The following SIL1 variants were observed in gnomAD, a reference collection of about 807,000 sequenced individuals.
SIL1 encodes the protein nucleotide exchange factor SIL1.
A neutral mutation model predicts 49.1 loss-of-function variants in SIL1; 40 were observed. The observed-to-expected ratio is 0.81, with a 90% CI of 0.63 to 1.06. The LOEUF is 1.06. Ranked by LOEUF, SIL1 falls within the 50% of genes least tolerant of loss-of-function variation. The pLI is 0.00. For missense variants in SIL1, 500 were observed against 572.6 expected (o/e 0.87, Z 1.29); for synonymous variants, 253 against 250.8 (o/e 1.01, Z -0.08).
At chr5:139,137,196 C>T in intron 1 of SIL1, 1 of 602,796 alleles carries the variant, frequency 1.7e-6, no homozygotes, top group South Asian at 2.0e-5. Flanking sequence ...TTATAGTCAA[C>T]ATTTATAGAG....
intron 3 of SIL1, among the ~76,000 whole-genome samples, chr5:139,110,429 C>T (rs1464503129): frequency 6.6e-6 from 1 of 152,154 alleles, no homozygotes; most frequent in East Asian, 1.9e-4. Flanking sequence ...AAATGGTTCT[C>T]TTCTTCCAAA....
At chr5:138,950,859 T>C (rs954389061) in intron 9 of SIL1, among the ~76,000 whole-genome samples, 40 of 152,162 alleles carry the variant, frequency 2.6e-4, no homozygotes, top group South Asian at 1.9e-3. Flanking sequence ...TTTTGTCCCC[T>C]CGGGGCCTGG....
At chr5:138,998,708 AG>A (rs1419235227) in intron 7 of SIL1, among the ~76,000 whole-genome samples, 2 of 152,190 alleles carry the variant, frequency 1.3e-5, no homozygotes, top group African/African-American at 2.4e-5. Flanking sequence ...CTTATCACCA[AG>A]GAAGTGGTGC....
At chr5:139,185,163 C>A (rs1200522620) in intron 1 of SIL1, among the ~76,000 whole-genome samples, 4 of 152,106 alleles carry the variant, frequency 2.6e-5, no homozygotes, top group Admixed American at 6.6e-5. Flanking sequence ...CGAAGACGTG[C>A]CTGTTAGGTT....
intron 3 of SIL1, among the ~76,000 whole-genome samples, chr5:139,105,663 C>T (rs1003146633): frequency 3.3e-5 from 5 of 152,222 alleles, no homozygotes; most frequent in Non-Finnish European, 5.9e-5. Flanking sequence ...TCCCTCCCGG[C>T]GGCCTGCTCA....
chr5:139,149,322 G>A (rs935607667), intron 1 of SIL1, among the ~76,000 whole-genome samples: 2 of 152,158 alleles, frequency 1.3e-5, no homozygotes, highest in African/African-American at 4.8e-5. Flanking sequence ...TGTGCTCTAC[G>A]AAAAGATGAA....
intron 1 of SIL1, among the ~76,000 whole-genome samples, chr5:139,174,438 G>A (rs898697486): frequency 4.6e-5 from 7 of 151,840 alleles, no homozygotes; most frequent in East Asian, 3.9e-4. Flanking sequence ...TCATGACTAC[G>A]CCACCAAACT....
chr5:139,076,974 A>C (rs1260376885), intron 3 of SIL1, among the ~76,000 whole-genome samples: 1 of 152,188 alleles, frequency 6.6e-6, no homozygotes, highest in Non-Finnish European at 1.5e-5. Context: ...CTCTACTAAA[A>C]ATACAAAAAA....
chr5:138,998,488 GA>G, intron 7 of SIL1, among the ~76,000 whole-genome samples: 1 of 152,230 alleles, frequency 6.6e-6, no homozygotes, highest in South Asian at 2.1e-4. Flanking sequence ...AATTCATAAA[GA>G]AAAGAGGTTT....
intron 1 of SIL1, among the ~76,000 whole-genome samples, chr5:139,150,244 T>C (rs902440992): frequency 6.6e-6 from 1 of 152,178 alleles, no homozygotes; most frequent in Non-Finnish European, 1.5e-5. Context: ...CTGGGTGATA[T>C]GCCTGCTGTA....
At chr5:139,093,434 GT>G (rs1378166841) in intron 3 of SIL1, among the ~76,000 whole-genome samples, 2 of 152,186 alleles carry the variant, frequency 1.3e-5, no homozygotes, top group African/African-American at 4.8e-5. Context: ...TCAGAGCGCA[GT>G]TAGCTCCATC....
intron 7 of SIL1, among the ~76,000 whole-genome samples, chr5:138,973,201 TAAA>T (rs5871690): frequency 2.8e-5 from 3 of 105,368 alleles, no homozygotes; most frequent in Non-Finnish European, 3.7e-5. Context: ...TTGAAGTATT[TAAA>T]AAAAAAAAAA....
intron 1 of SIL1, among the ~76,000 whole-genome samples, chr5:139,142,252 CA>C (rs1751094949): frequency 6.6e-6 from 1 of 152,176 alleles, no homozygotes; most frequent in East Asian, 1.9e-4. Context: ...AAACTCTTCA[CA>C]AAAACCAAAG....
intron 7 of SIL1, among the ~76,000 whole-genome samples, chr5:139,020,118 T>C (rs773199070): frequency 7.2e-5 from 11 of 152,192 alleles, no homozygotes; most frequent in Non-Finnish European, 1.2e-4. Flanking sequence ...GGCCAGAGCC[T>C]TGACTGTCAA....
At chr5:139,143,082 C>G (rs1473620633) in intron 1 of SIL1, among the ~76,000 whole-genome samples, 1 of 151,580 alleles carries the variant, frequency 6.6e-6, no homozygotes, top group Non-Finnish European at 1.5e-5. Context: ...ACTTTCACCA[C>G]TTCTATTCAA....
chr5:138,950,461 CCCAGCCTCCA>C (rs1766744427), intron 9 of SIL1, among the ~76,000 whole-genome samples: 1 of 152,172 alleles, frequency 6.6e-6, no homozygotes, highest in Admixed American at 6.5e-5. Flanking sequence ...GAGTGAGGGG[CCCAGCCTCCA>C]CCATTCGGCA....
intron 7 of SIL1, among the ~76,000 whole-genome samples, chr5:139,005,278 T>A (rs1008834152): frequency 6.6e-6 from 1 of 152,026 alleles, no homozygotes; most frequent in African/African-American, 2.4e-5. Flanking sequence ...TTAAAAGAAG[T>A]TCTAGTTGTG....
intron 1 of SIL1, among the ~76,000 whole-genome samples, chr5:139,176,971 C>T (rs1217414888): frequency 3.3e-5 from 4 of 122,610 alleles, no homozygotes; most frequent in African/African-American, 6.0e-5. Flanking sequence ...CTCACTCTGT[C>T]GCCCAGGCTG....
At chr5:139,077,392 A>G (rs979147709) in intron 3 of SIL1, among the ~76,000 whole-genome samples, 5 of 152,178 alleles carry the variant, frequency 3.3e-5, no homozygotes, top group African/African-American at 1.2e-4. Context: ...CTACATTTCT[A>G]CTATCCAAAC....
Sources: gnomAD v4.1 joint callset for allele counts (sites outside exome capture counted in the v4.1 genomes callset) on GRCh38, gnomAD v4.1.1 for gene constraint, MANE v1.5 for transcripts, NCBI Gene and HGNC (gene_info 2026-07-23, HGNC 2026-07-21) for gene names.